The following LUC7L2 variants were observed in gnomAD, a reference collection of about 807,000 sequenced individuals.
LUC7L2 encodes LUC7 like 2, pre-mRNA splicing factor.
In LUC7L2, 25 loss-of-function variants were observed where a neutral mutation model predicts 52.8. That is an observed-to-expected ratio of 0.47 (90% CI 0.34 to 0.66). The LOEUF (loss-of-function observed/expected upper bound fraction) is 0.66, where lower values mean the gene tolerates loss of function less well. Among genes scored for constraint, LUC7L2 ranks in the 30% least tolerant of loss-of-function variants. The pLI is 0.01. For synonymous variants in LUC7L2, 144 were observed against 160.9 expected (o/e 0.89, Z 0.80); for missense variants, 328 against 497.8 (o/e 0.66, Z 3.25).
At chr7:139,380,427 G>T (rs764822436) in intron 2 of LUC7L2, among the ~76,000 whole-genome samples, 7 of 151,698 alleles carry the variant, frequency 4.6e-5, no homozygotes, top group Non-Finnish European at 1.0e-4. Flanking sequence ...TTGAAATCCT[G>T]TCTCTGCTAA....
chr7:139,358,670 CACTGACCTATGTCTT>C (rs1799701349), upstream of LUC7L2, among the ~76,000 whole-genome samples: 1 of 152,180 alleles, frequency 6.6e-6, no homozygotes. Context: ...TCTTCCTGCA[CACTGACCTATGTCTT>C]ACTTAAGGAA....
chr7:139,395,198 G>C (rs6967836), intron 2 of LUC7L2, among the ~76,000 whole-genome samples: 58,394 of 152,110 alleles, frequency 0.38, 15,625 homozygotes, highest in African/African-American at 0.76. Flanking sequence ...TTTCAGAAAC[G>C]TACTGCCTGG....
chr7:139,377,688 G>A (rs1220540598), intron 2 of LUC7L2, among the ~76,000 whole-genome samples: 2 of 151,948 alleles, frequency 1.3e-5, no homozygotes, highest in Non-Finnish European at 2.9e-5. Flanking sequence ...CACCGTGCCC[G>A]GCCCTAATTT....
intron 2 of LUC7L2, among the ~76,000 whole-genome samples, chr7:139,393,362 T>G (rs1794527365): frequency 6.6e-6 from 1 of 151,978 alleles, no homozygotes; most frequent in Admixed American, 6.6e-5. Flanking sequence ...CCCTGGGAGG[T>G]AGGGTTGCAG....
At chr7:139,380,064 A>G (rs1276368736) in intron 2 of LUC7L2, among the ~76,000 whole-genome samples, 1 of 151,726 alleles carries the variant, frequency 6.6e-6, no homozygotes, top group African/African-American at 2.4e-5. Context: ...CTGTAATCCC[A>G]GCTACTCGGG....
intron 6 of LUC7L2, among the ~76,000 whole-genome samples, chr7:139,408,582 G>A (rs1008190181): frequency 6.6e-6 from 1 of 152,196 alleles, no homozygotes; most frequent in Non-Finnish European, 1.5e-5. Flanking sequence ...AGTGGCTCAC[G>A]CCTGTAATCC....
rs187803803 is a variant in LUC7L2 at position 139,406,567 on chromosome 7, T to A, written c.511-607T>A. 2.0e-5 allele frequency among the ~76,000 whole-genome samples: 3 copies of A among 152,138 alleles called. No homozygotes were observed. In the East Asian group the frequency reaches 5.8e-4, roughly 29 times the overall value. On this transcript the variant is annotated intron_variant, in intron 5 of 9. Transcript: ENST00000354926. ...TAGGCTTTCACCATGTTGGCCAGGC[T>A]GGTCTTGAACTCCTGACCTGGGGTG...
intron 9 of LUC7L2, among the ~76,000 whole-genome samples, chr7:139,418,998 C>T (rs1399995669): frequency 6.6e-6 from 1 of 152,088 alleles, no homozygotes; most frequent in African/African-American, 2.4e-5. Context: ...GTAATCCCAG[C>T]TACTCAGGAG....
intron 2 of LUC7L2, among the ~76,000 whole-genome samples, chr7:139,386,702 G>T (rs1034341446): frequency 6.6e-6 from 1 of 151,894 alleles, no homozygotes; most frequent in East Asian, 1.9e-4. Flanking sequence ...CACCACGCCC[G>T]GCCACTGGAA....
At chr7:139,385,319 T>G (rs1297348196) in intron 2 of LUC7L2, among the ~76,000 whole-genome samples, 2 of 65,042 alleles carry the variant, frequency 3.1e-5, no homozygotes. Context: ...TACTTTTTTT[T>G]TTTTTTTTTT....
At position 139,405,889 on chromosome 7, in the gene LUC7L2, G is replaced by A. The variant is rs866066260; in HGVS notation, c.510+102G>A. On this transcript the variant is annotated intron_variant, in intron 5 of 9. Transcript: ENST00000354926. Reference sequence around the variant, plus strand: ...AGTATCTATACTTCTCTAAGAACATGTATTTGAATGGAAATTATTGAACAG... The same window carrying A: ...AGTATCTATACTTCTCTAAGAACATATATTTGAATGGAAATTATTGAACAG... 7 of 1,376,034 alleles carry A rather than the reference G, an allele frequency of 5.1e-6. No homozygotes were observed. The African/African-American group carries it at 7.5e-5, about 15-fold the overall frequency. 85.2% of individuals were successfully genotyped at this position (1,376,034 alleles called of 1,614,324 possible).
chr7:139,352,363 C>A (rs570587147), intron 1 of LUC7L2, among the ~76,000 whole-genome samples: 1 of 152,126 alleles, frequency 6.6e-6, no homozygotes, highest in African/African-American at 2.4e-5. Context: ...GGCATGGTGG[C>A]ACCTGCCTGT....
intron 4 of LUC7L2, among the ~76,000 whole-genome samples, chr7:139,402,959 T>G (rs1484573001): frequency 1.3e-5 from 2 of 152,228 alleles, no homozygotes; most frequent in Non-Finnish European, 2.9e-5. Context: ...ATCTCTACCC[T>G]TGGCAACCAC....
chr7:139,363,269 A>G, intron 1 of LUC7L2: 1 of 983,434 alleles, frequency 1.0e-6, no homozygotes, highest in Non-Finnish European at 1.2e-6. Context: ...CGTGAGTTGA[A>G]ACATTGGTCA....
chr7:139,416,040 A>AATATATATAT lies in LUC7L2; in HGVS notation c.810-1457_810-1448dup, dbSNP rs66498771. 279 of 97,702 alleles carry AATATATATAT rather than the reference A, an allele frequency of 2.9e-3. 6 individuals are homozygous for AATATATATAT. The highest frequency in any genetic ancestry group is 4.8e-3 in the Non-Finnish European group (195 of 40,920). The allele number at this position is 97,702 out of a possible 1,614,324, so 6.1% of individuals were successfully genotyped here. A position where few individuals can be genotyped will look rare whatever the true frequency, so the allele number is the denominator to read the frequency against. ...ATTTAAGAGTTTTATTGAGGTATAAAATATATATATATATATATATATATA... is the reference window on the plus strand; with the variant it reads ...ATTTAAGAGTTTTATTGAGGTATAAAATATATATATATATATATATATATATATATATATA... On this transcript the variant is annotated intron_variant, in intron 8 of 9. Coordinates refer to ENST00000354926, the MANE Select transcript of LUC7L2 (RefSeq NM_016019.5).
intron 2 of LUC7L2, among the ~76,000 whole-genome samples, chr7:139,386,168 A>G (rs1392663478): frequency 6.6e-6 from 1 of 151,946 alleles, no homozygotes; most frequent in African/African-American, 2.4e-5. Flanking sequence ...ACGCCTGGCT[A>G]ATTTTTGTAT....
At chr7:139,417,446 T>C in intron 8 of LUC7L2, 92 bp from the exon 9 acceptor site, 2 of 1,495,406 alleles carry the variant, frequency 1.3e-6, no homozygotes, top group Non-Finnish European at 9.0e-7. Flanking sequence ...TTAAGACTAC[T>C]GAAAAAAAGT....
chr7:139,360,255 C>G lies in LUC7L2; in HGVS notation c.-7C>G, dbSNP rs1017339165. ...ACCCCCGCCCGTCCGCCCGCTACGC[C>G]GCCGCCATGTCGGCGCAGGCCCAGA... On this transcript the variant is annotated 5_prime_UTR_variant, in exon 1 of 10. Coordinates refer to ENST00000354926, the MANE Select transcript of LUC7L2 (RefSeq NM_016019.5). 8.6e-5 allele frequency: 134 copies of G among 1,553,572 alleles called. No homozygotes were observed. The highest frequency in any genetic ancestry group is 1.1e-4 in the Non-Finnish European group (128 of 1,150,218).
intron 3 of LUC7L2, among the ~76,000 whole-genome samples, chr7:139,399,947 T>C (rs1315109359): frequency 6.6e-6 from 1 of 152,166 alleles, no homozygotes; most frequent in African/African-American, 2.4e-5. Context: ...AACATACTAA[T>C]GTGCATAAAT....
Sources: gnomAD v4.1 joint callset for allele counts (sites outside exome capture counted in the v4.1 genomes callset) on GRCh38, gnomAD v4.1.1 for gene constraint, MANE v1.5 for transcripts, NCBI Gene and HGNC (gene_info 2026-07-23, HGNC 2026-07-21) for gene names.